Variants in SAMD3 observed in about 807,000 individuals in gnomAD.
SAMD3 encodes the protein sterile alpha motif domain containing 3, also known as sterile alpha motif domain-containing protein 3.
A neutral mutation model predicts 58.5 loss-of-function variants in SAMD3; 63 were observed. That is an observed-to-expected ratio of 1.08 (90% CI 0.88 to 1.33). The LOEUF is 1.33. Among genes scored for constraint, SAMD3 ranks in the 40% most tolerant of loss-of-function variants. The pLI, the probability that SAMD3 is intolerant of heterozygous loss-of-function variation, is 0.00. For missense variants in SAMD3, 604 were observed against 608.4 expected, an observed-to-expected ratio of 0.99 and a Z score of 0.08; for synonymous variants, 220 against 210.3, an observed-to-expected ratio of 1.05 and a Z score of -0.40.
chr6:130,298,505 G>A (rs1224215443), intron 2 of SAMD3, among the ~76,000 whole-genome samples: 1 of 152,154 alleles, frequency 6.6e-6, no homozygotes, highest in Non-Finnish European at 1.5e-5. Flanking sequence ...CAGTATGACA[G>A]GAACAAACCT....
chr6:130,328,912 G>A (rs1776838103), intron 1 of SAMD3, among the ~76,000 whole-genome samples: 1 of 152,120 alleles, frequency 6.6e-6, no homozygotes, highest in African/African-American at 2.4e-5. Context: ...TGAGTATAAA[G>A]GAAAAATGGC....
At chr6:130,332,070 A>G (rs1016546251) in intron 1 of SAMD3, among the ~76,000 whole-genome samples, 1 of 152,248 alleles carries the variant, frequency 6.6e-6, no homozygotes, top group African/African-American at 2.4e-5. Flanking sequence ...ATAAAACAAA[A>G]TACAATGATG....
chr6:130,341,452 A>G (rs1351732586), intron 1 of SAMD3, among the ~76,000 whole-genome samples: 1 of 152,240 alleles, frequency 6.6e-6, no homozygotes, highest in Admixed American at 6.5e-5. Flanking sequence ...GAATAAAATC[A>G]TACTTAACTT....
intron 2 of SAMD3, among the ~76,000 whole-genome samples, chr6:130,283,859 T>A (rs1775069490): frequency 6.6e-6 from 1 of 152,192 alleles, no homozygotes; most frequent in Admixed American, 6.5e-5. Context: ...ATTATTTTTT[T>A]GAGAGAGGGT....
intron 2 of SAMD3, among the ~76,000 whole-genome samples, chr6:130,268,129 G>A (rs1002426772): frequency 6.6e-6 from 1 of 152,162 alleles, no homozygotes; most frequent in African/African-American, 2.4e-5. Context: ...TAAAGACATT[G>A]ATGATCCCAG....
At chr6:130,345,957 T>C (rs959370185) in intron 1 of SAMD3, among the ~76,000 whole-genome samples, 2 of 152,234 alleles carry the variant, frequency 1.3e-5, no homozygotes, top group African/African-American at 4.8e-5. Context: ...GGGTTTTGGA[T>C]AAGGCTACAA....
intron 1 of SAMD3, among the ~76,000 whole-genome samples, chr6:130,345,722 G>T (rs995997761): frequency 1.3e-5 from 2 of 152,152 alleles, no homozygotes; most frequent in Non-Finnish European, 2.9e-5. Context: ...CCATAACACA[G>T]CAGGAAGGAG....
rs1775435525 is a variant in SAMD3 at position 130,293,055 on chromosome 6, C to T, written c.-188+19923G>A. ...GATTAATCTAAGTTACTGCTTTCTC[C>T]TTGCATCAAAGTCCCTAATCCTCAA... On this transcript the variant is annotated intron_variant, in intron 2 of 13. Coordinates refer to the SAMD3 transcript ENST00000368134. Among the ~76,000 whole-genome samples, 5 of 152,200 alleles carry T rather than the reference C, an allele frequency of 3.3e-5. No homozygotes were observed. The South Asian group carries it at 1.0e-3, about 31-fold the overall frequency.
intron 5 of SAMD3, among the ~76,000 whole-genome samples, chr6:130,206,725 C>T (rs917053014): frequency 5.9e-5 from 9 of 152,092 alleles, no homozygotes; most frequent in African/African-American, 2.2e-4. Context: ...AAGATAGGGG[C>T]GTGCCACTTC....
chr6:130,237,746 T>G (rs12202779), intron 2 of SAMD3, among the ~76,000 whole-genome samples: 15,752 of 152,180 alleles, frequency 0.1, 1,038 homozygotes, highest in Admixed American at 0.15. Context: ...TTAACCAAGA[T>G]TTGAATCTGA....
chr6:130,341,315 G>T (rs1049358097), intron 1 of SAMD3, among the ~76,000 whole-genome samples: 5 of 152,158 alleles, frequency 3.3e-5, no homozygotes, highest in Non-Finnish European at 5.9e-5. Flanking sequence ...AAACTTTAAT[G>T]ACTTTTAGAA....
chr6:130,315,089 A>G (rs1408302539), intron 1 of SAMD3, among the ~76,000 whole-genome samples: 4 of 151,184 alleles, frequency 2.6e-5, no homozygotes, highest in African/African-American at 9.8e-5. Flanking sequence ...CATTGAGAAT[A>G]ATATGGTGTT....
At chr6:130,335,961 C>T (rs1021928016) in intron 1 of SAMD3, among the ~76,000 whole-genome samples, 1 of 151,776 alleles carries the variant, frequency 6.6e-6, no homozygotes, top group African/African-American at 2.4e-5. Context: ...AGGAACTGAA[C>T]AATGAGAACA....
chr6:130,270,867 A>T (rs6918930), intron 2 of SAMD3, among the ~76,000 whole-genome samples: 47,315 of 152,160 alleles, frequency 0.31, 7,740 homozygotes, highest in East Asian at 0.47. Flanking sequence ...TCTTAAAGTA[A>T]CTGTATGAAT....
chr6:130,241,206 C>CTTTT (rs57573903), intron 2 of SAMD3, among the ~76,000 whole-genome samples: 6 of 109,260 alleles, frequency 5.5e-5, no homozygotes, highest in Non-Finnish European at 6.8e-5. Flanking sequence ...CTTAAACCTC[C>CTTTT]TTTTTTTTTT....
At chr6:130,327,667 G>C (rs778460758) in intron 1 of SAMD3, among the ~76,000 whole-genome samples, 36 of 152,128 alleles carry the variant, frequency 2.4e-4, no homozygotes, top group Non-Finnish European at 4.9e-4. Context: ...TTGACAGCTG[G>C]TATTTACAAT....
chr6:130,229,260 T>G (rs1040104889), intron 2 of SAMD3, among the ~76,000 whole-genome samples: 2 of 152,166 alleles, frequency 1.3e-5, no homozygotes, highest in African/African-American at 4.8e-5. Context: ...GATATTTTGA[T>G]AGAAAACTAC....
rs537066801 is a variant in SAMD3, at chr6:130,326,367, A to ATTTTTT, written c.-303-13280_-303-13275dup. ...TTTCCATCTCTAGAAATGCCTGGTC[A>ATTTTTT]TTTTTTTTTTTTTTTTGCAAACTTC... is the stretch of plus-strand genomic sequence containing the variant. On this transcript the variant is annotated intron_variant, in intron 1 of 13. Transcript: ENST00000368134. 3.9e-3 allele frequency among the ~76,000 whole-genome samples: 506 copies of ATTTTTT among 128,798 alleles called. 13 individuals carry two copies. Among genetic ancestry groups the ATTTTTT allele is most frequent in the East Asian group, 0.032 (136 of 4,230 alleles). The allele number at this position is 128,798 out of a possible 152,430, so 84.5% of individuals were successfully genotyped here. A position where few individuals can be genotyped will look rare whatever the true frequency, so the allele number is the denominator to read the frequency against.
chr6:130,234,701 C>T (rs933045309), intron 2 of SAMD3, among the ~76,000 whole-genome samples: 2 of 152,196 alleles, frequency 1.3e-5, no homozygotes, highest in African/African-American at 4.8e-5. Flanking sequence ...GTTTCCTCCC[C>T]TACAGATAGG....
Sources: gnomAD v4.1 joint callset for allele counts (sites outside exome capture counted in the v4.1 genomes callset) on GRCh38, gnomAD v4.1.1 for gene constraint, MANE v1.5 for transcripts, NCBI Gene and HGNC (gene_info 2026-07-23, HGNC 2026-07-21) for gene names.